Variants in HR observed in about 807,000 individuals in gnomAD.
HR encodes lysine-specific demethylase hairless.
A neutral mutation model predicts 128.6 loss-of-function variants in HR; 83 were observed. That is an observed-to-expected ratio of 0.65 (90% CI 0.54 to 0.77). HR has a LOEUF of 0.77. Among genes scored for constraint, HR ranks in the 30% least tolerant of loss-of-function variants. The pLI is 0.00. For missense variants in HR, 1,490 were observed against 1,574.6 expected (o/e 0.95, Z 0.91); for synonymous variants, 681 against 658.2 (o/e 1.03, Z -0.53).
chr8:22,121,388 T>C (rs1281950201), intron 9 of HR, among the ~76,000 whole-genome samples, 160 bp from the exon 10 acceptor site: 1 of 152,058 alleles, frequency 6.6e-6, no homozygotes, highest in Non-Finnish European at 1.5e-5. Flanking sequence ...CCCGCTCTAC[T>C]GCTTTTCCTG....
At chr8:22,128,399 G>C (rs1826957167) in intron 2 of HR, 160 bp downstream of exon 2, 1 of 1,004,058 alleles carries the variant, frequency 1.0e-6, no homozygotes, top group Admixed American at 2.0e-5. Context: ...GGTAGGGCTT[G>C]CTTGGGGTTG....
Position 22,115,552 on chromosome 8 carries a change from CAGAGTGCCCTGCTTGTGCCCAG to C in HR, c.*126_*147del. The C allele has an allele frequency of 1.4e-6, 1 of 722,418 alleles. No homozygotes were observed. 44.8% of individuals were successfully genotyped at this position (722,418 alleles called of 1,614,324 possible). A position where few individuals can be genotyped will look rare whatever the true frequency, so the allele number is the denominator to read the frequency against. ...GTTGTTGGCTTAAGGGGGAGGGGAA[CAGAGTGCCCTGCTTGTGCCCAG>C]AGTGGTGCTTGTGGGGTTGACCAGA... On this transcript the variant is annotated 3_prime_UTR_variant, in exon 19 of 19. Coordinates refer to ENST00000381418, the MANE Select transcript of HR (RefSeq NM_005144.5).
Position 22,127,695 on chromosome 8 carries a change from G to A in HR, c.747C>T (p.His249=). The A allele has an allele frequency of 6.2e-7, 1 of 1,609,678 alleles. No homozygotes were observed. Among genetic ancestry groups the A allele is most frequent in the East Asian group, 2.2e-5 (1 of 44,866 alleles). The change falls in exon 3 of 19, where the codon CAC becomes CAT. Residue 249 remains histidine, a synonymous_variant. Coordinates refer to ENST00000381418, the MANE Select transcript of HR (RefSeq NM_005144.5). ...CAGCTCCCATCTCTCCATCCCTCTG[G>A]TGCAGTGAAGGGCGTTCGGCCTCCC... ...RAGEAERPSL[H]QRDGEMGAGR...
rs1396074674 is a variant in HR, at chr8:22,118,986, T to C, written c.3177A>G (p.Ala1059=). The change falls in exon 16 of 19, where the codon GCA becomes GCG. Residue 1059 remains alanine, a synonymous_variant. Coordinates refer to ENST00000381418, the MANE Select transcript of HR (RefSeq NM_005144.5). The stretch of plus-strand genomic sequence containing the variant: ...AGCGGCGGATGCGCTGGGCGTCCTG[T>C]GCCCGGAACACGTGCCACACAGTGC... ...QVSTVWHVFR[A]QDAQRIRRFL... is the part of the protein sequence containing the mutation. 1.2e-6 allele frequency: 2 copies of C among 1,612,456 alleles called. No individual in the cohort carries two copies. Among genetic ancestry groups the C allele is most frequent in the African/African-American group, 1.3e-5 (1 of 74,918 alleles).
rs766614824 is a variant in HR, at chr8:22,127,708, C to T, written c.734G>A (p.Arg245His). Residue 245 changes from arginine (R) to histidine (H), a missense_variant, in exon 3 of 19, where the codon CGC (arginine) becomes CAC (histidine). Physicochemically the swap from Arg to His is conservative, Grantham distance 29. Transcript: ENST00000381418. ...GHLQRAGEAE[R>H]PSLHQRDGEM... ...TCCATCCCTCTGGTGCAGTGAAGGG[C>T]GTTCGGCCTCCCCGGCTCTCTGCAG... 12 of 1,608,044 alleles carry T rather than the reference C, an allele frequency of 7.5e-6. No homozygotes were observed. Among genetic ancestry groups the T allele is most frequent in the South Asian group, 2.2e-5 (2 of 91,090 alleles).
Position 22,127,196 on chromosome 8 carries a change from TG to T in HR, c.1245del (p.Ser416AlafsTer39). ...VARLRALKRAGSPEVQGAMGS... is the reference protein window; with the variant it reads ...VARLRALKRAXSPEVQGAMGS... ...CCCATTGCTCCCTGGACCTCGGGGCTGCCTGCCCTTTTGAGGGCCCGGAGCC... is the reference window on the plus strand; with the variant it reads ...CCCATTGCTCCCTGGACCTCGGGGCTCCTGCCCTTTTGAGGGCCCGGAGCC... On this transcript the variant is annotated frameshift_variant, in exon 3 of 19. Transcript: ENST00000381418. LOFTEE classifies it high-confidence loss of function. The T allele has an allele frequency of 6.2e-7, 1 of 1,613,010 alleles. No individual in the cohort carries two copies. Among genetic ancestry groups the T allele is most frequent in the Non-Finnish European group, 8.5e-7 (1 of 1,179,996 alleles).
rs768454390 is a variant in HR at position 22,127,666 on chromosome 8, C to A, written c.776G>T (p.Arg259Leu). The change falls in exon 3 of 19, where the codon CGG becomes CTG. Residue 259 changes from arginine to leucine, a missense_variant. Physicochemically the swap from Arg to Leu is moderately radical, Grantham distance 102. Around this residue, in one of 3 missense-constraint regions of HR, gnomAD observed 1,060 missense variants for 1,060.9 expected, o/e 1.00. Coordinates refer to ENST00000381418, the MANE Select transcript of HR (RefSeq NM_005144.5). ...GAAGAGCGGGCAAGGATTCTGCTGCCGGCCAGCTCCCATCTCTCCATCCCT... is the reference window on the plus strand; with the variant it reads ...GAAGAGCGGGCAAGGATTCTGCTGCAGGCCAGCTCCCATCTCTCCATCCCT... Reference protein sequence around the residue: ...HQRDGEMGAGRQQNPCPLFLG... With the variant: ...HQRDGEMGAGLQQNPCPLFLG... 3.7e-6 allele frequency: 6 copies of A among 1,608,980 alleles called. No homozygotes were observed. The highest frequency in any genetic ancestry group is 5.1e-6 in the Non-Finnish European group (6 of 1,178,748).
chr8:22,116,431 G>C lies in HR; in HGVS notation c.3379-3C>G. ...ACTGTGCTCACCAGGCCCTGCACCT[G>C]TGTCGGGGGGACATGGACAGTGAGG... is the stretch of plus-strand genomic sequence containing the variant. On this transcript the variant is annotated splice_region_variant and splice_polypyrimidine_tract_variant and intron_variant, in intron 17 of 18. Coordinates refer to ENST00000381418, the MANE Select transcript of HR (RefSeq NM_005144.5). The surrounding 1 kb of genome is among the most constrained non-coding windows in gnomAD (Gnocchi z 4.2). 6.2e-7 allele frequency: 1 copy of C among 1,613,584 alleles called. No homozygotes were observed. Among genetic ancestry groups the C allele is most frequent in the Non-Finnish European group, 8.5e-7 (1 of 1,179,802 alleles).
intron 3 of HR, among the ~76,000 whole-genome samples, chr8:22,126,046 G>C (rs1826881591): frequency 6.6e-6 from 1 of 152,240 alleles, no homozygotes; most frequent in Non-Finnish European, 1.5e-5. Context: ...AGCCAGTGTA[G>C]ACTTTGGATA....
Position 22,127,056 on chromosome 8 carries a change from T to C in HR, c.1386A>G (p.Gly462=), listed in dbSNP as rs1235008532. 1 of 1,612,208 alleles carries C rather than the reference T, an allele frequency of 6.2e-7. No individual in the cohort carries two copies. The highest frequency in any genetic ancestry group is 8.5e-7 in the Non-Finnish European group (1 of 1,179,758). The change falls in exon 3 of 19, where the codon GGA becomes GGG. Residue 462 remains glycine (G), a synonymous_variant. Transcript: ENST00000381418. ...CCTTACCTTTCTGCTCATCATGCTG[T>C]CCCGAGTCCACATCCTTGTTCCCTA... ...TSIGNKDVDS[G]QHDEQKGPQD...
rs1333423177 is a variant in HR at position 22,116,943 on chromosome 8, C to T, written c.3310G>A (p.Val1104Met). The change falls in exon 17 of 19, where the codon GTG (valine) becomes ATG (methionine). Residue 1104 changes from valine (V) to methionine (M), a missense_variant. Coordinates refer to ENST00000381418, the MANE Select transcript of HR (RefSeq NM_005144.5). This position sits in a 1 kb window ranked among gnomAD's most constrained non-coding sequence, Gnocchi z 4.2. ...LRRRLREEWG[V>M]SCWTLLQAPG... Reference sequence around the variant, plus strand: ...GCCTGGAGCAGGGTCCAGCAGCTCACGCCCCACTCCTCCCGCAGGCGCCGC... The same window carrying T: ...GCCTGGAGCAGGGTCCAGCAGCTCATGCCCCACTCCTCCCGCAGGCGCCGC... 9 of 1,545,254 alleles carry T rather than the reference C, an allele frequency of 5.8e-6. No homozygotes were observed. The highest frequency in any genetic ancestry group is 1.2e-5 in the South Asian group (1 of 84,542).
intron 3 of HR, among the ~76,000 whole-genome samples, chr8:22,126,667 TCTTCTTCCC>T (rs753185029): frequency 5.9e-5 from 9 of 152,186 alleles, no homozygotes; most frequent in Non-Finnish European, 1.2e-4. Context: ...GTAGGTGCCG[TCTTCTTCCC>T]CATTTTATAG....
chr8:22,123,617 T>TCTCCC, intron 6 of HR, 32 bp downstream of exon 6: 21 of 292,090 alleles, frequency 7.2e-5, no homozygotes, highest in South Asian at 1.5e-4. Context: ...GAGGGCTCCA[T>TCTCCC]CCCGCCCTCC....
In HR at chr8:22,120,502, C is replaced by T. The variant is rs765178685; in HGVS notation, c.2616G>A (p.Val872=). ...FQEHWRQGQP[V]LVSGIQRTLQ... ...ATGTCCTTTGGATCCCTGACACCAACACAGGCTGTGGTGGGAAAGGAAGGA... is the reference window on the plus strand; with the variant it reads ...ATGTCCTTTGGATCCCTGACACCAATACAGGCTGTGGTGGGAAAGGAAGGA... The change falls in exon 12 of 19, where the codon GTG becomes GTA. Residue 872 remains valine, a synonymous_variant. Transcript: ENST00000381418. 5.0e-6 allele frequency: 8 copies of T among 1,613,732 alleles called. No homozygotes were observed. The African/African-American group carries it at 1.1e-4, about 22-fold the overall frequency.
In HR at chr8:22,121,589, C is replaced by T. The variant is rs150036201; in HGVS notation, c.2203+24G>A. 646 of 1,611,444 alleles carry T rather than the reference C, an allele frequency of 4.0e-4. 1 individual carries two copies. Among genetic ancestry groups the T allele is most frequent in the African/African-American group, 2.5e-3 (188 of 74,958 alleles). ...GGCCCAGCCTCCCTCTTGCACAGGCCGAGGGGCAAGAGGAGCCGCTCACCC... is the reference window on the plus strand; with the variant it reads ...GGCCCAGCCTCCCTCTTGCACAGGCTGAGGGGCAAGAGGAGCCGCTCACCC... On this transcript the variant is annotated intron_variant, in intron 9 of 18. Coordinates refer to ENST00000381418, the MANE Select transcript of HR (RefSeq NM_005144.5).
In HR at chr8:22,116,483, C is replaced by A; in HGVS notation, c.3379-55G>T. The A allele has an allele frequency of 6.3e-7, 1 of 1,585,224 alleles. No individual in the cohort carries two copies. The highest frequency in any genetic ancestry group is 1.2e-5 in the South Asian group (1 of 86,818). On this transcript the variant is annotated intron_variant, in intron 17 of 18. Transcript: ENST00000381418. The surrounding 1 kb of genome is among the most constrained non-coding windows in gnomAD (Gnocchi z 4.2). The stretch of plus-strand genomic sequence containing the variant: ...TCAAGATCACACATCCTCTCCCTGT[C>A]CCCCTGGTCCCTGAGGTTCGCTTCC...
chr8:22,117,966 GTGCCCCTCAGCCC>G (rs1374827136), intron 16 of HR: 2 of 152,432 alleles, frequency 1.3e-5, no homozygotes, highest in African/African-American at 4.8e-5. Flanking sequence ...CAGGGAGACT[GTGCCCCTCAGCCC>G]TGCCCCGTGA....
chr8:22,117,276 G>A, intron 16 of HR: 1 of 504,032 alleles, frequency 2.0e-6, no homozygotes, highest in East Asian at 3.2e-5. Flanking sequence ...CCTACAGTTG[G>A]GCAGACTGAA....
Position 22,116,748 on chromosome 8 carries a change from A to G in HR, c.3378+127T>C. ...GGCTCCCCCGTTATCTCTTCCCCAC[A>G]GCAGCGTGCGGCTCCCTGCCCTGCC... On this transcript the variant is annotated intron_variant, in intron 17 of 18. Transcript: ENST00000381418. The surrounding 1 kb of genome is among the most constrained non-coding windows in gnomAD (Gnocchi z 4.2). The G allele has an allele frequency of 1.5e-6, 2 of 1,308,428 alleles. No homozygotes were observed. The highest frequency in any genetic ancestry group is 2.5e-5 in the South Asian group (2 of 78,960). The allele number at this position is 1,308,428 out of a possible 1,614,324, so 81.1% of individuals were successfully genotyped here.
Sources: gnomAD v4.1 joint callset for allele counts (sites outside exome capture counted in the v4.1 genomes callset) on GRCh38, gnomAD v4.1.1 for gene constraint, gnomAD v4.1.1 regional missense constraint, Gnocchi (gnomAD v3.1) non-coding constraint, MANE v1.5 for transcripts, NCBI Gene and HGNC (gene_info 2026-07-23, HGNC 2026-07-21) for gene names.